The following ATG7 variants were observed in gnomAD, a reference collection of about 807,000 sequenced individuals.
ATG7 encodes autophagy related 7.
A neutral mutation model predicts 82.4 loss-of-function variants in ATG7; 70 were observed. The ratio of observed to expected loss-of-function variants is 0.85; its 90% CI spans 0.70 to 1.04. The LOEUF (loss-of-function observed/expected upper bound fraction) is 1.04, where lower values mean the gene tolerates loss of function less well. Among genes scored for constraint, ATG7 ranks in the 50% least tolerant of loss-of-function variants. The pLI, the probability that ATG7 is intolerant of heterozygous loss-of-function variation, is 0.00. For synonymous variants in ATG7, 287 were observed against 313.0 expected, an observed-to-expected ratio of 0.92 and a Z score of 0.88; for missense variants, 792 against 864.3, an observed-to-expected ratio of 0.92 and a Z score of 1.05.
Position 11,299,434 on chromosome 3 carries a change from C to G in ATG7, c.215+18C>G, listed in dbSNP as rs780373702. 1.2e-5 allele frequency: 19 copies of G among 1,598,810 alleles called. No homozygotes were observed. The South Asian group carries it at 2.1e-4, about 18-fold the overall frequency. The stretch of plus-strand genomic sequence containing the variant: ...TTTGACATGTGAGTATTTATTTGTT[C>G]AAAATCTGAAGTAAAGAATACTACT... On this transcript the variant is annotated intron_variant, in intron 5 of 20. Transcript: ENST00000693202.
intron 19 of ATG7, among the ~76,000 whole-genome samples, chr3:11,396,704 C>A (rs2079310596): frequency 6.6e-6 from 1 of 151,014 alleles, no homozygotes; most frequent in Non-Finnish European, 1.5e-5. Flanking sequence ...ATCACTTGAA[C>A]CTGAGAGGTG....
intron 9 of ATG7, among the ~76,000 whole-genome samples, chr3:11,327,347 C>T (rs574032483): frequency 4.8e-4 from 73 of 152,292 alleles, no homozygotes; most frequent in African/African-American, 1.7e-3. Context: ...GCAGTGAACC[C>T]TCTTTTAAGC....
chr3:11,432,610 C>T (rs1475618950), intron 20 of ATG7, among the ~76,000 whole-genome samples: 3 of 151,864 alleles, frequency 2.0e-5, no homozygotes, highest in African/African-American at 7.3e-5. Context: ...AACTTATCTA[C>T]ATAACCAAAA....
chr3:11,278,078 T>G (rs1239133985), intron 1 of ATG7, among the ~76,000 whole-genome samples: 1 of 152,194 alleles, frequency 6.6e-6, no homozygotes, highest in African/African-American at 2.4e-5. Context: ...TTGTCTTCCC[T>G]TGTTCCCTGA....
intron 20 of ATG7, among the ~76,000 whole-genome samples, chr3:11,478,998 AC>A (rs761975083): frequency 0.095 from 12,133 of 127,658 alleles, 793 homozygotes; most frequent in African/African-American, 0.23. Flanking sequence ...CAACACACAC[AC>A]ACACACACAC....
chr3:11,529,269 A>G (rs2092647521), intron 20 of ATG7, among the ~76,000 whole-genome samples: 1 of 152,230 alleles, frequency 6.6e-6, no homozygotes, highest in Non-Finnish European at 1.5e-5. Context: ...AAGATAATAT[A>G]TAGCCCTTTT....
chr3:11,391,826 A>G (rs1275971868), intron 19 of ATG7, among the ~76,000 whole-genome samples: 1 of 152,130 alleles, frequency 6.6e-6, no homozygotes, highest in African/African-American at 2.4e-5. Flanking sequence ...TCAGATGGAG[A>G]GAGCATTAGG....
At chr3:11,380,823 T>C (rs949668676) in intron 19 of ATG7, among the ~76,000 whole-genome samples, 3 of 152,240 alleles carry the variant, frequency 2.0e-5, no homozygotes, top group African/African-American at 7.2e-5. Flanking sequence ...TCCCCAACTG[T>C]GGCTTCTCAG....
chr3:11,571,166 G>A, the ATG7 span, among the ~76,000 whole-genome samples: 3 of 152,212 alleles, frequency 2.0e-5, no homozygotes, highest in Admixed American at 6.5e-5. Flanking sequence ...AGATGACCCT[G>A]AGGCTCCTGG....
intron 2 of ATG7, among the ~76,000 whole-genome samples, chr3:11,281,447 A>G (rs1943014287): frequency 6.6e-6 from 1 of 152,236 alleles, no homozygotes; most frequent in Non-Finnish European, 1.5e-5. Context: ...ACTTCTGTCC[A>G]GTGGTCTTTA....
chr3:11,358,391 C>T, intron 14 of ATG7, 27 bp from the exon 15 acceptor site: 1 of 1,597,076 alleles, frequency 6.3e-7, no homozygotes, highest in Non-Finnish European at 8.5e-7. Context: ...TTGCTCCAGA[C>T]ATAACTACGT....
chr3:11,562,622 CT>C, downstream of ATG7, among the ~76,000 whole-genome samples: 1 of 152,368 alleles, frequency 6.6e-6, no homozygotes, highest in South Asian at 2.1e-4. Flanking sequence ...CCGAGCCCAG[CT>C]CGGATTGGTG....
intron 19 of ATG7, among the ~76,000 whole-genome samples, chr3:11,391,091 G>A (rs1190800551): frequency 6.6e-6 from 1 of 152,108 alleles, no homozygotes; most frequent in African/African-American, 2.4e-5. Flanking sequence ...CAGAGATCAG[G>A]TGCCGTTCCC....
chr3:11,464,395 T>C (rs1023872779), intron 20 of ATG7, among the ~76,000 whole-genome samples: 1 of 152,190 alleles, frequency 6.6e-6, no homozygotes, highest in Non-Finnish European at 1.5e-5. Context: ...TAAAAAATTA[T>C]GTATTCAGTA....
At chr3:11,469,310 G>A (rs146034089) in intron 20 of ATG7, among the ~76,000 whole-genome samples, 5 of 152,226 alleles carry the variant, frequency 3.3e-5, no homozygotes, top group East Asian at 1.9e-4. Flanking sequence ...TTAGCCAGGC[G>A]TAGTGGCGCA....
chr3:11,404,788 T>A lies in ATG7; in HGVS notation c.1957-22016T>A, dbSNP rs79566921. Among the ~76,000 whole-genome samples the A allele has an allele frequency of 3.8e-3, 574 of 152,166 alleles. 4 individuals are homozygous for A. The highest frequency in any genetic ancestry group is 0.013 in the African/African-American group (533 of 41,512). ...TTATGTGGCAGCAGACAAGGGCTTG[T>A]GGAGGGGAACTCCCTTTATAAAACC... On this transcript the variant is annotated intron_variant, in intron 19 of 20. Coordinates refer to ENST00000693202, the MANE Select transcript of ATG7 (RefSeq NM_001349232.2).
intron 19 of ATG7, 56 bp from the exon 20 acceptor site, chr3:11,426,748 T>C: frequency 6.9e-7 from 1 of 1,453,136 alleles, no homozygotes; most frequent in Non-Finnish European, 9.2e-7. Context: ...TGAAAGTCTT[T>C]TAATTTGCAT....
Position 11,364,692 on chromosome 3 carries a change from G to A in ATG7, c.1833G>A (p.Arg611=). The A allele has an allele frequency of 1.2e-6, 2 of 1,614,178 alleles. No homozygotes were observed. Among genetic ancestry groups the A allele is most frequent in the South Asian group, 1.1e-5 (1 of 91,082 alleles). The change falls in exon 18 of 21, where the codon CGG becomes CGA. Residue 611 remains arginine (R), a synonymous_variant. Coordinates refer to ENST00000693202, the MANE Select transcript of ATG7 (RefSeq NM_001349232.2). The part of the protein sequence containing the change: ...GYAIASSSDD[R]MNEPPTSLGL... Reference sequence around the variant, plus strand: ...CCATTGCCAGCAGCAGTGACGATCGGATGAATGAGCCTCCAACCTCTCTTG... The same window carrying A: ...CCATTGCCAGCAGCAGTGACGATCGAATGAATGAGCCTCCAACCTCTCTTG...
At chr3:11,470,431 A>G (rs927859332) in intron 20 of ATG7, among the ~76,000 whole-genome samples, 20 of 152,200 alleles carry the variant, frequency 1.3e-4, no homozygotes, top group Admixed American at 2.6e-4. Context: ...AAACATAGAA[A>G]AGGTACCACA....
Sources: allele counts gnomAD v4.1 joint callset (sites outside exome capture counted in the v4.1 genomes callset), GRCh38; gene constraint gnomAD v4.1.1; transcripts MANE v1.5; gene names NCBI Gene and HGNC (gene_info 2026-07-23, HGNC 2026-07-21).